KMT2C: variants seen among roughly 807,000 people sequenced by gnomAD.
KMT2C encodes the protein lysine methyltransferase 2C, also known as histone-lysine N-methyltransferase 2C.
KMT2C carries 88 observed loss-of-function variants against 507.9 expected under a neutral mutation model. The ratio of observed to expected loss-of-function variants is 0.17; its 90% CI spans 0.15 to 0.21. KMT2C has a LOEUF of 0.21. KMT2C is among the 10% of genes least tolerant of loss of function. The probability of loss-of-function intolerance (pLI) is 1.00; values close to 1 mark genes in which losing one functional copy is unlikely to be tolerated. For synonymous variants in KMT2C, 2,049 were observed against 2,080.8 expected, an observed-to-expected ratio of 0.98 and a Z score of 0.42; for missense variants, 4,954 against 5,957.8, an observed-to-expected ratio of 0.83 and a Z score of 5.55.
chr7:152,264,828 TTTATA>T (rs2095836692), intron 8 of KMT2C, among the ~76,000 whole-genome samples: 3 of 150,908 alleles, frequency 2.0e-5, no homozygotes, highest in South Asian at 4.2e-4. Context: ...ATAAATGTTA[TTTATA>T]TTATAATATA....
chr7:152,323,059 G>C (rs1334236520), intron 3 of KMT2C, among the ~76,000 whole-genome samples: 1 of 151,862 alleles, frequency 6.6e-6, no homozygotes, highest in East Asian at 1.9e-4. Context: ...AAAAATGGGA[G>C]TCCTGTACAT....
intron 24 of KMT2C, 39 bp downstream of exon 24, chr7:152,207,261 G>A (rs958539949): frequency 5.1e-6 from 7 of 1,373,048 alleles, no homozygotes; most frequent in East Asian, 2.3e-5. Flanking sequence ...AATTAACCAA[G>A]TGTTGATGAT....
intron 6 of KMT2C, among the ~76,000 whole-genome samples, chr7:152,286,784 T>C (rs868100791): frequency 6.6e-6 from 1 of 152,204 alleles, no homozygotes; most frequent in African/African-American, 2.4e-5. Flanking sequence ...CTAGGTTTCC[T>C]TTCTGACTCA....
At chr7:152,220,088 G>A (rs1002898652) in intron 23 of KMT2C, 3 of 162,852 alleles carry the variant, frequency 1.8e-5, no homozygotes, top group African/African-American at 7.2e-5. Context: ...AATACTTTAT[G>A]ATGCACACTG....
Position 152,162,992 on chromosome 7 carries a change from A to G in KMT2C, c.10585T>C (p.Phe3529Leu). 1 of 1,614,156 alleles carries G rather than the reference A, an allele frequency of 6.2e-7. No individual in the cohort carries two copies. The highest frequency in any genetic ancestry group is 8.5e-7 in the Non-Finnish European group (1 of 1,180,030). ...SPSIPVGSPN[F>L]SSVKQGHGNL... is the part of the protein sequence containing the mutation. ...CCATGTCCCTGCTTCACAGAAGAAA[A>G]ATTTGGGCTTCCAACAGGGATTGAT... The change falls in exon 43 of 59, where the codon TTT becomes CTT. Residue 3529 changes from phenylalanine (F) to leucine (L), a missense_variant. Coordinates refer to ENST00000262189, the MANE Select transcript of KMT2C (RefSeq NM_170606.3).
chr7:152,414,070 C>T (rs1358916336), intron 1 of KMT2C, among the ~76,000 whole-genome samples: 19 of 145,942 alleles, frequency 1.3e-4, no homozygotes, highest in African/African-American at 4.1e-4. Flanking sequence ...TTTAGCTGGG[C>T]GTGGTGTCGC....
chr7:152,181,609 T>C lies in KMT2C; in HGVS notation c.6251A>G (p.Asn2084Ser), dbSNP rs773209299. 6.2e-7 allele frequency: 1 copy of C among 1,613,852 alleles called. No homozygotes were observed. Among genetic ancestry groups the C allele is most frequent in the Non-Finnish European group, 8.5e-7 (1 of 1,179,980 alleles). The change falls in exon 36 of 59, where the codon AAT becomes AGT. Residue 2084 changes from asparagine (N) to serine (S), a missense_variant. Physicochemically the swap from Asn to Ser is conservative, Grantham distance 46. Transcript: ENST00000262189. The stretch of plus-strand genomic sequence containing the variant: ...ATCATTTGACTGATTATGAGAAAAA[T>C]TATCTATAGGTCTTGGTGTCAAAGC... ...RPALTPRPID[N>S]FSHNQSNDPY...
rs1587583804 is a variant in KMT2C at position 152,138,607 on chromosome 7, T to C, written c.14643+189A>G. The C allele has an allele frequency of 8.1e-6, 4 of 496,678 alleles. No individual in the cohort carries two copies. The highest frequency in any genetic ancestry group is 2.0e-5 in the African/African-American group (1 of 49,584). 30.8% of individuals were successfully genotyped at this position (496,678 alleles called of 1,614,324 possible). On this transcript the variant is annotated intron_variant, in intron 58 of 58. Transcript: ENST00000262189. The surrounding 1 kb of genome is among the most constrained non-coding windows in gnomAD (Gnocchi z 4.2). ...ACAGCAAATGCTCACAGAGCTGCCA[T>C]GTGGAGGAAGGTGAACTGGAGTGCC...
At chr7:152,389,341 A>C (rs1160384884) in intron 1 of KMT2C, among the ~76,000 whole-genome samples, 6 of 140,004 alleles carry the variant, frequency 4.3e-5, no homozygotes, top group African/African-American at 1.7e-4. Flanking sequence ...TGACAGAGTG[A>C]GACTCCGTCT....
chr7:152,190,638 G>A (rs2093764364), intron 31 of KMT2C, among the ~76,000 whole-genome samples: 1 of 151,746 alleles, frequency 6.6e-6, no homozygotes, highest in South Asian at 2.1e-4. Context: ...AGTCATATTA[G>A]TTTATAAAAG....
At chr7:152,312,126 C>A in intron 4 of KMT2C, 180 bp from the exon 5 acceptor site, 1 of 417,568 alleles carries the variant, frequency 2.4e-6, no homozygotes, top group South Asian at 6.8e-5. Flanking sequence ...AACTGGGTTG[C>A]CATATTATAT....
intron 23 of KMT2C, among the ~76,000 whole-genome samples, chr7:152,218,753 T>C (rs977494981): frequency 6.6e-6 from 1 of 152,114 alleles, no homozygotes; most frequent in African/African-American, 2.4e-5. Context: ...TCTCACCTTC[T>C]GACTGTCCCC....
intron 1 of KMT2C, among the ~76,000 whole-genome samples, chr7:152,380,639 G>A (rs199988768): frequency 2.4e-3 from 307 of 126,618 alleles, no homozygotes; most frequent in Middle Eastern, 0.019. Flanking sequence ...TTGGGAGGCT[G>A]AGATGGGAGG....
rs1564001580 is a variant in KMT2C at position 152,364,938 on chromosome 7, C to CAG, written c.162-6264_162-6263insCT. On this transcript the variant is annotated intron_variant, in intron 1 of 58. Transcript: ENST00000262189. ...CAACAAAATCTGAAACAGACAGACACACACACACACACACACACACACACA... is the reference window on the plus strand; with the variant it reads ...CAACAAAATCTGAAACAGACAGACACAGACACACACACACACACACACACACA... Among the ~76,000 whole-genome samples, 205 of 125,960 alleles carry CAG rather than the reference C, an allele frequency of 1.6e-3. 2 individuals are homozygous for CAG. The highest frequency in any genetic ancestry group is 5.9e-3 in the African/African-American group (186 of 31,412). The allele number at this position is 125,960 out of a possible 152,430, so 82.6% of individuals were successfully genotyped here. A position where few individuals can be genotyped will look rare whatever the true frequency, so the allele number is the denominator to read the frequency against.
chr7:152,435,242 G>T (rs1268357671), intron 1 of KMT2C, among the ~76,000 whole-genome samples: 1 of 151,938 alleles, frequency 6.6e-6, no homozygotes, highest in African/African-American at 2.4e-5. Context: ...CGGTTCGCCC[G>T]GAGTCCGTCC....
intron 16 of KMT2C, among the ~76,000 whole-genome samples, chr7:152,232,053 G>A (rs2095134627): frequency 6.6e-6 from 1 of 151,832 alleles, no homozygotes; most frequent in East Asian, 2.0e-4. Context: ...CTAATTTTTT[G>A]TATTTTTAGT....
intron 2 of KMT2C, among the ~76,000 whole-genome samples, chr7:152,340,868 T>C (rs1395221258): frequency 1.3e-5 from 2 of 152,172 alleles, no homozygotes; most frequent in Non-Finnish European, 2.9e-5. Context: ...ATTTAAATAG[T>C]AATTGTTTAA....
At chr7:152,396,938 T>C (rs985070090) in intron 1 of KMT2C, among the ~76,000 whole-genome samples, 2 of 152,156 alleles carry the variant, frequency 1.3e-5, no homozygotes, top group African/African-American at 4.8e-5. Flanking sequence ...AATACACAAG[T>C]ACAAGGATAT....
chr7:152,183,209 G>A, intron 34 of KMT2C, 53 bp from the exon 35 acceptor site: 37 of 1,336,676 alleles, frequency 2.8e-5, no homozygotes, highest in South Asian at 9.4e-5. Context: ...ATGTTTTAAG[G>A]AATAAAATAA....
Sources: allele counts gnomAD v4.1 joint callset (sites outside exome capture counted in the v4.1 genomes callset), GRCh38; gene constraint gnomAD v4.1.1; non-coding constraint Gnocchi (gnomAD v3.1); transcripts MANE v1.5; gene names NCBI Gene and HGNC (gene_info 2026-07-23, HGNC 2026-07-21).